POMGNT1: variants seen among roughly 807,000 people sequenced by gnomAD.
The protein encoded by POMGNT1 is protein O-linked mannose N-acetylglucosaminyltransferase 1 (beta 1,2-).
In POMGNT1, 67 loss-of-function variants were observed where a neutral mutation model predicts 95.6. The observed-to-expected ratio is 0.70, with a 90% confidence interval of 0.58 to 0.86. POMGNT1 has a LOEUF of 0.86. Among genes scored for constraint, POMGNT1 ranks in the 40% least tolerant of loss-of-function variants. The pLI, the probability that POMGNT1 is intolerant of heterozygous loss-of-function variation, is 0.00. For synonymous variants in POMGNT1, 298 were observed against 317.9 expected (o/e 0.94, Z 0.66); for missense variants, 719 against 855.2 (o/e 0.84, Z 1.99).
rs1324107494 is a variant in POMGNT1, at chr1:46,188,837, T to G, written c.*433A>C. 6.2e-7 allele frequency: 1 copy of G among 1,612,724 alleles called. No individual in the cohort carries two copies. Among genetic ancestry groups the G allele is most frequent in the Non-Finnish European group, 8.5e-7 (1 of 1,179,892 alleles). On this transcript the variant is annotated 3_prime_UTR_variant, in exon 22 of 22. Transcript: ENST00000371984. ...GGCCCCAGCTGGGCCTGTCCATGGG[T>G]TGGGCACAGCAGTTTCCTGAGTAAG...
chr1:46,196,095 C>A lies in POMGNT1; in HGVS notation c.355-18G>T, dbSNP rs752485539. ...TCCAGCACCTACACAGTGGCAGAGA[C>A]AAAGTCCAGCTTTTCACTCTGGCAT... On this transcript the variant is annotated intron_variant, in intron 4 of 21. Coordinates refer to ENST00000371984, the MANE Select transcript of POMGNT1 (RefSeq NM_017739.4). The surrounding 1 kb of genome is among the most constrained non-coding windows in gnomAD (Gnocchi z 4.4). 6.2e-7 allele frequency: 1 copy of A among 1,613,870 alleles called. No homozygotes were observed. Among genetic ancestry groups the A allele is most frequent in the Non-Finnish European group, 8.5e-7 (1 of 1,180,020 alleles).
At position 46,194,606 on chromosome 1, in the gene POMGNT1, G is replaced by C. The variant is rs569061665; in HGVS notation, c.698C>G (p.Ser233Cys). The change falls in exon 8 of 22, where the codon TCC (serine) becomes TGC (cysteine). Residue 233 changes from serine to cysteine, a missense_variant. Coordinates refer to ENST00000371984, the MANE Select transcript of POMGNT1 (RefSeq NM_017739.4). Reference protein sequence around the residue: ...EKHSKSPALSSWGDPVLLKTD... With the variant: ...EKHSKSPALSCWGDPVLLKTD... ...CTTCAGCAGGACTGGGTCCCCCCAG[G>C]AAGAGAGGGCAGGTGATTTAGAATG... The C allele has an allele frequency of 6.2e-7, 1 of 1,614,092 alleles. No individual in the cohort carries two copies. The highest frequency in any genetic ancestry group is 8.5e-7 in the Non-Finnish European group (1 of 1,180,040).
At position 46,189,370 on chromosome 1, in the gene POMGNT1, T is replaced by G. The variant is rs1431227875; in HGVS notation, c.1896-13A>C. On this transcript the variant is annotated splice_polypyrimidine_tract_variant and intron_variant, in intron 21 of 21. Coordinates refer to ENST00000371984, the MANE Select transcript of POMGNT1 (RefSeq NM_017739.4). The stretch of plus-strand genomic sequence containing the variant: ...TGGCTTCTTCACTCTGGGAAAATAA[T>G]ACAAGAATGTATAGAGAAGAAGCCA... The G allele has an allele frequency of 1.9e-6, 3 of 1,614,052 alleles. No individual in the cohort carries two copies. In the Admixed American group the frequency reaches 5.0e-5, roughly 27 times the overall value.
chr1:46,198,069 TG>T, intron 1 of POMGNT1, 198 bp from the exon 2 acceptor site: 1 of 564,914 alleles, frequency 1.8e-6, no homozygotes, highest in South Asian at 2.1e-5. Context: ...TCCCTGAGAC[TG>T]GAGTAACTCT....
At chr1:46,207,705 A>AT (rs1463516070) in intron 1 of POMGNT1, among the ~76,000 whole-genome samples, 1 of 150,256 alleles carries the variant, frequency 6.7e-6, no homozygotes, top group Non-Finnish European at 1.5e-5. Context: ...CACCCAGCTA[A>AT]TTTTTTGTAT....
intron 20 of POMGNT1, 59 bp downstream of exon 20, chr1:46,189,795 T>TG (rs1657606265): frequency 4.0e-5 from 64 of 1,608,500 alleles, no homozygotes; most frequent in Non-Finnish European, 5.3e-5. Flanking sequence ...CCCTGGATCT[T>TG]GGGGCAGTAT....
In POMGNT1 at chr1:46,189,058, T is replaced by C; in HGVS notation, c.*212A>G. ...ATTCCCAGGTACTCTCCTGCCCTTC[T>C]CCAACAAGGAAGTAAATAAATAGAC... On this transcript the variant is annotated 3_prime_UTR_variant, in exon 22 of 22. Coordinates refer to ENST00000371984, the MANE Select transcript of POMGNT1 (RefSeq NM_017739.4). The C allele has an allele frequency of 6.5e-7, 1 of 1,530,328 alleles. No homozygotes were observed. Among genetic ancestry groups the C allele is most frequent in the Non-Finnish European group, 8.7e-7 (1 of 1,144,554 alleles). The allele number at this position is 1,530,328 out of a possible 1,614,324, so 94.8% of individuals were successfully genotyped here.
intron 1 of POMGNT1, among the ~76,000 whole-genome samples, chr1:46,211,834 G>A (rs188843648): frequency 2.2e-4 from 34 of 151,264 alleles, no homozygotes; most frequent in African/African-American, 7.3e-4. Flanking sequence ...GTGTGATCTC[G>A]GCTCACTACA....
chr1:46,219,154 G>T (rs1048121367), intron 1 of POMGNT1, among the ~76,000 whole-genome samples: 1 of 152,044 alleles, frequency 6.6e-6, no homozygotes, highest in African/African-American at 2.4e-5. Flanking sequence ...AATTAGCTGG[G>T]TGTGGTGGTA....
In POMGNT1 at chr1:46,189,458, G is replaced by C. The variant is rs200471699; in HGVS notation, c.1895C>G (p.Ser632Ter). The change falls in exon 21 of 22, where the codon TCA (serine) becomes TGA (stop). Residue 632 changes from serine (S) to a stop codon, truncating the protein, a stop_gained and splice_region_variant. Coordinates refer to ENST00000371984, the MANE Select transcript of POMGNT1 (RefSeq NM_017739.4). LOFTEE classifies it high-confidence loss of function. ...CCCAGGGCAGAAAAGGGTCACTCAC[G>C]AGTAGGGGGAAGCCGGGACCCCCAC... ...LMVGVPASPYSVKKPPSVTPI... is the reference protein window; with the variant it reads ...LMVGVPASPY 16 of 1,613,574 alleles carry C rather than the reference G, an allele frequency of 9.9e-6. No individual in the cohort carries two copies. The highest frequency in any genetic ancestry group is 1.4e-5 in the Non-Finnish European group (16 of 1,179,748).
intron 14 of POMGNT1, 34 bp from the exon 15 acceptor site, chr1:46,192,624 G>A: frequency 1.2e-6 from 2 of 1,611,924 alleles, no homozygotes; most frequent in Non-Finnish European, 1.7e-6. Context: ...TTCAGGGAGG[G>A]ACAAGGATAA....
At chr1:46,199,859 C>T (rs2148228867), upstream of POMGNT1, among the ~76,000 whole-genome samples, 1 of 152,110 alleles carries the variant, frequency 6.6e-6, no homozygotes, top group South Asian at 2.1e-4. Context: ...GAAGAAAACC[C>T]AACACATTTT....
intron 9 of POMGNT1, 51 bp downstream of exon 9, chr1:46,194,223 C>G (rs1045685473): frequency 1.2e-6 from 2 of 1,614,082 alleles, no homozygotes; most frequent in East Asian, 4.5e-5. Flanking sequence ...TGGGGCCCCC[C>G]TGCTGAGCTG....
chr1:46,200,197 A>G (rs982853779), upstream of POMGNT1, among the ~76,000 whole-genome samples: 2 of 152,128 alleles, frequency 1.3e-5, no homozygotes, highest in Non-Finnish European at 2.9e-5. Flanking sequence ...AAATAATTAA[A>G]AGATGTCCCT....
upstream of POMGNT1, among the ~76,000 whole-genome samples, chr1:46,200,771 G>T (rs1658510550): frequency 6.6e-6 from 1 of 152,186 alleles, no homozygotes; most frequent in Non-Finnish European, 1.5e-5. Context: ...TTGCTTTCCA[G>T]CCAGTCTCCT....
rs769182632 is a variant in POMGNT1 at position 46,196,882 on chromosome 1, C to A, written c.236-33G>T. ...GTACAACAGGTCATGGAGATAGTCT[C>A]CTCAGCAGAGTCTCACCGCTTAGGG... is the stretch of plus-strand genomic sequence containing the variant. On this transcript the variant is annotated intron_variant, in intron 3 of 21. Coordinates refer to ENST00000371984, the MANE Select transcript of POMGNT1 (RefSeq NM_017739.4). The surrounding 1 kb of genome is among the most constrained non-coding windows in gnomAD (Gnocchi z 4.4). The A allele has an allele frequency of 6.2e-7, 1 of 1,614,200 alleles. No individual in the cohort carries two copies. Among genetic ancestry groups the A allele is most frequent in the South Asian group, 1.1e-5 (1 of 91,074 alleles).
exon 1 of POMGNT1, chr1:46,219,969 G>T (rs771125500): frequency 6.2e-7 from 1 of 1,614,278 alleles, no homozygotes; most frequent in Non-Finnish European, 8.5e-7. Context: ...CAGCGAGCTG[G>T]ATGAACAGGG....
chr1:46,216,149 C>T (rs1213292634), intron 1 of POMGNT1, among the ~76,000 whole-genome samples: 1 of 149,684 alleles, frequency 6.7e-6, no homozygotes, highest in Non-Finnish European at 1.5e-5. Context: ...CAGGTTCACG[C>T]CATTCTCCTG....
rs1302818985 is a variant in POMGNT1, at chr1:46,203,575, G to C, written c.-50-5704C>G. 3 of 1,578,714 alleles carry C rather than the reference G, an allele frequency of 1.9e-6. No individual in the cohort carries two copies. The African/African-American group carries it at 4.1e-5, about 22-fold the overall frequency. ...GCCCTGCTGCTCCCAGGGGCGTCTA[G>C]CACCGGCCACGACTTGGGGGACAAG... is the stretch of plus-strand genomic sequence containing the variant. On this transcript the variant is annotated intron_variant, in intron 1 of 22. Transcript: ENST00000371992.
Sources: allele counts gnomAD v4.1 joint callset (sites outside exome capture counted in the v4.1 genomes callset), GRCh38; gene constraint gnomAD v4.1.1; non-coding constraint Gnocchi (gnomAD v3.1); transcripts MANE v1.5; gene names NCBI Gene and HGNC (gene_info 2026-07-23, HGNC 2026-07-21).